CRPPA: variants seen among roughly 807,000 people sequenced by gnomAD.
CRPPA encodes D-ribitol-5-phosphate cytidylyltransferase.
In CRPPA, 43 loss-of-function variants were observed where a neutral mutation model predicts 52.0. That is an observed-to-expected ratio of 0.83 (90% CI 0.65 to 1.07). CRPPA has a LOEUF of 1.07. CRPPA is among the 50% of genes least tolerant of loss of function. The pLI, the probability that CRPPA is intolerant of heterozygous loss-of-function variation, is 0.00. For missense variants in CRPPA, 629 were observed against 551.7 expected, an observed-to-expected ratio of 1.14 and a Z score of -1.40; for synonymous variants, 250 against 203.5, an observed-to-expected ratio of 1.23 and a Z score of -1.94.
intron 9 of CRPPA, among the ~76,000 whole-genome samples, chr7:16,188,522 T>C (rs1294113502): frequency 2.0e-5 from 3 of 152,172 alleles, no homozygotes; most frequent in Non-Finnish European, 4.4e-5. Flanking sequence ...CAGACTGGCT[T>C]GGGATTCTAT....
At chr7:16,362,947 C>A (rs572154798) in intron 3 of CRPPA, among the ~76,000 whole-genome samples, 1 of 152,072 alleles carries the variant, frequency 6.6e-6, no homozygotes, top group South Asian at 2.1e-4. Context: ...CCTACAGATA[C>A]GTCTTAATTA....
At chr7:16,406,732 C>T (rs1474495414) in intron 1 of CRPPA, among the ~76,000 whole-genome samples, 2 of 152,140 alleles carry the variant, frequency 1.3e-5, no homozygotes, top group Non-Finnish European at 2.9e-5. Context: ...CAATTGAAAG[C>T]ACTTTTGAGA....
At chr7:16,387,843 T>C (rs1045306793) in intron 2 of CRPPA, among the ~76,000 whole-genome samples, 3 of 152,182 alleles carry the variant, frequency 2.0e-5, no homozygotes, top group Non-Finnish European at 4.4e-5. Context: ...GAATACCTAT[T>C]TGAAGTGCAC....
intron 5 of CRPPA, among the ~76,000 whole-genome samples, chr7:16,291,753 A>T (rs1383310360): frequency 6.7e-6 from 1 of 149,360 alleles, no homozygotes; most frequent in South Asian, 2.1e-4. Context: ...TCCTCAAAGT[A>T]AAAAAAAAAT....
chr7:16,211,831 T>C (rs967569168), intron 9 of CRPPA, among the ~76,000 whole-genome samples: 1 of 152,204 alleles, frequency 6.6e-6, no homozygotes, highest in Non-Finnish European at 1.5e-5. Context: ...AGAATGTTTC[T>C]TGGATGTCCT....
At chr7:16,160,291 T>C (rs1436149061) in intron 9 of CRPPA, among the ~76,000 whole-genome samples, 2 of 152,228 alleles carry the variant, frequency 1.3e-5, no homozygotes, top group East Asian at 1.9e-4. Context: ...AGGGTTTTTA[T>C]GGCTTTAGGT....
intron 3 of CRPPA, among the ~76,000 whole-genome samples, chr7:16,341,682 G>T (rs901748196): frequency 2.6e-5 from 4 of 152,220 alleles, no homozygotes; most frequent in African/African-American, 9.6e-5. Flanking sequence ...TTAATAACGT[G>T]TATTCTGAAT....
At chr7:16,282,946 AATC>A (rs1260976586) in intron 5 of CRPPA, among the ~76,000 whole-genome samples, 1 of 152,048 alleles carries the variant, frequency 6.6e-6, no homozygotes, top group Non-Finnish European at 1.5e-5. Flanking sequence ...CCACATACAA[AATC>A]ATCATCAATT....
chr7:16,188,898 A>T (rs1781554782), intron 9 of CRPPA, among the ~76,000 whole-genome samples: 1 of 152,194 alleles, frequency 6.6e-6, no homozygotes, highest in Admixed American at 6.5e-5. Flanking sequence ...GCTCCTTGAG[A>T]AGTTGCTTAA....
At chr7:16,149,368 G>C (rs1783031844) in intron 9 of CRPPA, among the ~76,000 whole-genome samples, 1 of 152,164 alleles carries the variant, frequency 6.6e-6, no homozygotes, top group Non-Finnish European at 1.5e-5. Flanking sequence ...TGGAAAGACA[G>C]ACCAATTCCA....
intron 3 of CRPPA, 95 bp downstream of exon 3, chr7:16,375,995 ACG>A: frequency 8.5e-7 from 1 of 1,174,536 alleles, no homozygotes; most frequent in Non-Finnish European, 1.2e-6. Context: ...GTATAACTAT[ACG>A]CTCAGTCCCA....
intron 9 of CRPPA, among the ~76,000 whole-genome samples, chr7:16,171,327 CT>C (rs940033960): frequency 1.3e-5 from 2 of 152,222 alleles, no homozygotes; most frequent in East Asian, 1.9e-4. Flanking sequence ...ATAAACGTTA[CT>C]TTTTTTAATA....
At chr7:16,192,285 T>C (rs566748216) in intron 9 of CRPPA, among the ~76,000 whole-genome samples, 108 of 152,210 alleles carry the variant, frequency 7.1e-4, no homozygotes, top group African/African-American at 2.6e-3. Flanking sequence ...TTCTATTGGT[T>C]CTGTGTCTCT....
At chr7:16,332,873 A>T (rs575234163) in intron 3 of CRPPA, among the ~76,000 whole-genome samples, 3 of 152,242 alleles carry the variant, frequency 2.0e-5, no homozygotes, top group Admixed American at 6.5e-5. Context: ...ACAAAACCCA[A>T]GTCTTATCTA....
intron 6 of CRPPA, among the ~76,000 whole-genome samples, chr7:16,262,546 G>A (rs144557000): frequency 2.4e-3 from 364 of 152,198 alleles, no homozygotes; most frequent in Non-Finnish European, 4.2e-3. Flanking sequence ...GTTTTATCCA[G>A]GTTTACTTCT....
At chr7:16,275,871 A>G in intron 6 of CRPPA, among the ~76,000 whole-genome samples, 1 of 151,146 alleles carries the variant, frequency 6.6e-6, no homozygotes, top group East Asian at 1.9e-4. Context: ...AGAAAGAAAG[A>G]AAAAAAAAGA....
intron 9 of CRPPA, among the ~76,000 whole-genome samples, chr7:16,128,999 G>A (rs1782633022): frequency 6.6e-6 from 1 of 152,122 alleles, no homozygotes; most frequent in South Asian, 2.1e-4. Context: ...ATTGCTTCAA[G>A]TATTGTAGCT....
intron 9 of CRPPA, among the ~76,000 whole-genome samples, chr7:16,205,274 T>C (rs536428240): frequency 3.3e-5 from 5 of 152,312 alleles, no homozygotes; most frequent in East Asian, 1.9e-4. Context: ...CTGATTTACA[T>C]GACTTGAGAA....
chr7:16,239,347 A>G (rs990500961), intron 8 of CRPPA, among the ~76,000 whole-genome samples: 3 of 151,914 alleles, frequency 2.0e-5, no homozygotes, highest in African/African-American at 7.2e-5. Context: ...ACATTTATAC[A>G]TGAAGTAATG....
Sources: allele counts gnomAD v4.1 joint callset (sites outside exome capture counted in the v4.1 genomes callset), GRCh38; gene constraint gnomAD v4.1.1; transcripts MANE v1.5; gene names NCBI Gene and HGNC (gene_info 2026-07-23, HGNC 2026-07-21).